DPH3: variants seen among roughly 807,000 people sequenced by gnomAD.
DPH3 encodes diphthamide biosynthesis 3, also known as diphthamide biosynthesis protein 3.
DPH3 carries 8 observed loss-of-function variants against 10.2 expected under a neutral mutation model. The ratio of observed to expected loss-of-function variants is 0.79; its 90% CI spans 0.46 to 1.42. The LOEUF is 1.42. Among genes scored for constraint, DPH3 ranks in the 40% most tolerant of loss-of-function variants. The pLI is 0.00. For missense variants in DPH3, 96 were observed against 98.9 expected (o/e 0.97, Z 0.12); for synonymous variants, 35 against 35.6 (o/e 0.98, Z 0.06).
rs964310323 is a variant in DPH3, at chr3:16,260,708, A to G, written c.*56T>C. ...TGTGAAGCCAGTAGCTTTGCATTCG[A>G]TATTTCTATCTGGGCTCATTCCAAA... On this transcript the variant is annotated 3_prime_UTR_variant, in exon 3 of 3. Coordinates refer to ENST00000488423, the MANE Select transcript of DPH3 (RefSeq NM_206831.3). 1 of 1,501,458 alleles carries G rather than the reference A, an allele frequency of 6.7e-7. No individual in the cohort carries two copies. The highest frequency in any genetic ancestry group is 9.2e-7 in the Non-Finnish European group (1 of 1,083,090). 93.0% of individuals were successfully genotyped at this position (1,501,458 alleles called of 1,614,324 possible). A position where few individuals can be genotyped will look rare whatever the true frequency, so the allele number is the denominator to read the frequency against.
In DPH3 at chr3:16,260,014, T is replaced by C. The variant is rs1353183599; in HGVS notation, c.*750A>G. 6.6e-6 allele frequency: 1 copy of C among 152,238 alleles called. No homozygotes were observed. Among genetic ancestry groups the C allele is most frequent in the Non-Finnish European group, 1.5e-5 (1 of 68,036 alleles). The allele number at this position is 152,238 out of a possible 1,614,324, so 9.4% of individuals were successfully genotyped here. A position where few individuals can be genotyped will look rare whatever the true frequency, so the allele number is the denominator to read the frequency against. ...CCTCTCATTCTGTCACCAATTTCAC[T>C]TCTTTTGGATGTTTTTCTTTTCATC... On this transcript the variant is annotated 3_prime_UTR_variant, in exon 3 of 3. Coordinates refer to ENST00000488423, the MANE Select transcript of DPH3 (RefSeq NM_206831.3).
Position 16,261,160 on chromosome 3 carries a change from A to C in DPH3, c.184-331T>G, listed in dbSNP as rs1445717207. 6.6e-6 allele frequency among the ~76,000 whole-genome samples: 1 copy of C among 152,164 alleles called. No individual in the cohort carries two copies. The highest frequency in any genetic ancestry group is 1.9e-4 in the East Asian group (1 of 5,200). ...TGTATTAATTACTACTTACACTAAAACTTCTCCACTTTAATATTTGGTCAT... is the reference window on the plus strand; with the variant it reads ...TGTATTAATTACTACTTACACTAAACCTTCTCCACTTTAATATTTGGTCAT... On this transcript the variant is annotated intron_variant, in intron 2 of 2. Transcript: ENST00000488423. This position sits in a 1 kb window ranked among gnomAD's most constrained non-coding sequence, Gnocchi z 7.1.
intron 2 of DPH3, 94 bp from the exon 3 acceptor site, chr3:16,260,923 G>A (rs551332819): frequency 2.3e-5 from 25 of 1,095,594 alleles, no homozygotes; most frequent in Admixed American, 2.2e-4. Context: ...TCAATCCAGC[G>A]CTGTTAATTG....
rs1465551898 is a variant in DPH3 at position 16,264,920 on chromosome 3, G to T, written c.-44C>A. The T allele has an allele frequency of 1.2e-6, 2 of 1,606,146 alleles. No individual in the cohort carries two copies. The highest frequency in any genetic ancestry group is 1.1e-5 in the South Asian group (1 of 90,562). On this transcript the variant is annotated 5_prime_UTR_variant, in exon 1 of 3. Transcript: ENST00000488423. ...AAGGGGTAACGCCCCAGCAGTCCGAGGCCAGCTCCGAGGGTTTAACTTCGC... is the reference window on the plus strand; with the variant it reads ...AAGGGGTAACGCCCCAGCAGTCCGATGCCAGCTCCGAGGGTTTAACTTCGC...
rs1320902265 is a variant in DPH3 at position 16,260,280 on chromosome 3, G to GGAA, written c.*481_*483dup. 4 of 156,002 alleles carry GGAA rather than the reference G, an allele frequency of 2.6e-5. No individual in the cohort carries two copies. The highest frequency in any genetic ancestry group is 9.6e-5 in the African/African-American group (4 of 41,462). 9.7% of individuals were successfully genotyped at this position (156,002 alleles called of 1,614,324 possible). Reference sequence around the variant, plus strand: ...AGGAGACTGGCTTGGTATAGAAACTGGAAGTGTGGTACTGATGAAGCAACT... The same window carrying GGAA: ...AGGAGACTGGCTTGGTATAGAAACTGGAAGAAGTGTGGTACTGATGAAGCAACT... On this transcript the variant is annotated 3_prime_UTR_variant, in exon 3 of 3. Coordinates refer to ENST00000488423, the MANE Select transcript of DPH3 (RefSeq NM_206831.3).
intron 1 of DPH3, 61 bp downstream of exon 1, chr3:16,264,708 G>T: frequency 1.3e-6 from 2 of 1,514,992 alleles, no homozygotes; most frequent in Non-Finnish European, 1.8e-6. Context: ...ATGATGGAAG[G>T]AACGGGCGGA....
At chr3:16,264,717 G>A in intron 1 of DPH3, 52 bp downstream of exon 1, 2 of 1,569,314 alleles carry the variant, frequency 1.3e-6, no homozygotes, top group Non-Finnish European at 8.7e-7. Flanking sequence ...GGAACGGGCG[G>A]AACCAAACTG....
In DPH3 at chr3:16,258,806, G is replaced by C. The variant is rs1673726225; in HGVS notation, c.*1958C>G. On this transcript the variant is annotated 3_prime_UTR_variant, in exon 3 of 3. Transcript: ENST00000488423. ...TTCAATCTTGATGTGTTCTCCTACA[G>C]TTCACAAACTTAGTGACTCAATTGC... is the stretch of plus-strand genomic sequence containing the variant. 2.0e-5 allele frequency: 3 copies of C among 152,118 alleles called. No homozygotes were observed. Among genetic ancestry groups the C allele is most frequent in the Admixed American group, 6.5e-5 (1 of 15,270 alleles). 9.4% of individuals were successfully genotyped at this position (152,118 alleles called of 1,614,324 possible). A position where few individuals can be genotyped will look rare whatever the true frequency, so the allele number is the denominator to read the frequency against.
chr3:16,264,725 C>T (rs1183412180), intron 1 of DPH3, 44 bp downstream of exon 1: 1 of 1,593,368 alleles, frequency 6.3e-7, no homozygotes, highest in Non-Finnish European at 8.6e-7. Context: ...CGGAACCAAA[C>T]TGCGCTTGCT....
Position 16,260,568 on chromosome 3 carries a change from C to T in DPH3, c.*196G>A. 1 of 492,688 alleles carries T rather than the reference C, an allele frequency of 2.0e-6. No individual in the cohort carries two copies. The highest frequency in any genetic ancestry group is 3.7e-6 in the Non-Finnish European group (1 of 268,816). The allele number at this position is 492,688 out of a possible 1,614,324, so 30.5% of individuals were successfully genotyped here. On this transcript the variant is annotated 3_prime_UTR_variant, in exon 3 of 3. Transcript: ENST00000488423. The stretch of plus-strand genomic sequence containing the variant: ...TTAAGAATGCTTCCAATTTAAGGTT[C>T]TAAGCACAAAATCCAGATATGTCAT...
rs1198694448 is a variant in DPH3, at chr3:16,264,932, G to C, written c.-56C>G. On this transcript the variant is annotated 5_prime_UTR_variant, in exon 1 of 3. Transcript: ENST00000488423. ...CCCAGCAGTCCGAGGCCAGCTCCGA[G>C]GGTTTAACTTCGCCGGAACCGGCCT... 63 of 1,593,122 alleles carry C rather than the reference G, an allele frequency of 4.0e-5. No individual in the cohort carries two copies. Among genetic ancestry groups the C allele is most frequent in the Non-Finnish European group, 5.4e-5 (63 of 1,164,308 alleles).
rs908122539 is a variant in DPH3, at chr3:16,261,644, T to C, written c.184-815A>G. Among the ~76,000 whole-genome samples, 1 of 152,166 alleles carries C rather than the reference T, an allele frequency of 6.6e-6. No individual in the cohort carries two copies. The highest frequency in any genetic ancestry group is 1.5e-5 in the Non-Finnish European group (1 of 68,024). On this transcript the variant is annotated intron_variant, in intron 2 of 2. Coordinates refer to ENST00000488423, the MANE Select transcript of DPH3 (RefSeq NM_206831.3). This position sits in a 1 kb window ranked among gnomAD's most constrained non-coding sequence, Gnocchi z 7.1. The stretch of plus-strand genomic sequence containing the variant: ...GCTAGACATCCTATAATGCACGGGG[T>C]ATCTCTGAACAACAAAGAATTATCA...
chr3:16,264,326 C>T, intron 1 of DPH3, 97 bp from the exon 2 acceptor site: 1 of 945,186 alleles, frequency 1.1e-6, no homozygotes, highest in African/African-American at 1.7e-5. Flanking sequence ...CTCTTGGTGG[C>T]TTGCCTTCCC....
rs575702022 is a variant in DPH3 at position 16,263,063 on chromosome 3, T to G, written c.183+1092A>C. 6.6e-6 allele frequency among the ~76,000 whole-genome samples: 1 copy of G among 152,238 alleles called. No individual in the cohort carries two copies. Among genetic ancestry groups the G allele is most frequent in the East Asian group, 1.9e-4 (1 of 5,184 alleles). On this transcript the variant is annotated intron_variant, in intron 2 of 2. Transcript: ENST00000488423. The surrounding 1 kb of genome is among the most constrained non-coding windows in gnomAD (Gnocchi z 4.0). ...AGCCAGAATCATTTTTTAAAAAACT[T>G]AAGTTGGATCATAGCACTCCTATGT...
rs1386166162 is a variant in DPH3 at position 16,258,540 on chromosome 3, GCAGTGGTGTGATCA to G, written c.*2210_*2223del. On this transcript the variant is annotated 3_prime_UTR_variant, in exon 3 of 3. Transcript: ENST00000488423. ...CTTGCCCTGTCACACAGGCTGGAAC[GCAGTGGTGTGATCA>G]CAGCTCACCACAGCCTCAAACTCCT... The G allele has an allele frequency of 6.6e-6, 1 of 152,232 alleles. No homozygotes were observed. 9.4% of individuals were successfully genotyped at this position (152,232 alleles called of 1,614,324 possible). A position where few individuals can be genotyped will look rare whatever the true frequency, so the allele number is the denominator to read the frequency against.
Position 16,264,793 on chromosome 3 carries a change from A to C in DPH3, c.84T>G (p.Cys28Trp). ...CCTTGGTGATGGAGAAGTTATCTCCACATGGGCAGGGATAGAAATACGTCT... is the reference window on the plus strand; with the variant it reads ...CCTTGGTGATGGAGAAGTTATCTCCCCATGGGCAGGGATAGAAATACGTCT... The part of the protein sequence containing the change: ...DSETYFYPCP[C>W]GDNFSITKED... Residue 28 changes from cysteine (C) to tryptophan (W), a missense_variant, in exon 1 of 3, where the codon TGT (cysteine) becomes TGG (tryptophan). Transcript: ENST00000488423. The C allele has an allele frequency of 6.2e-7, 1 of 1,614,234 alleles. No homozygotes were observed. The highest frequency in any genetic ancestry group is 8.5e-7 in the Non-Finnish European group (1 of 1,180,028).
rs760746118 is a variant in DPH3, at chr3:16,259,904, C to G, written c.*860G>C. 1 of 152,194 alleles carries G rather than the reference C, an allele frequency of 6.6e-6. No individual in the cohort carries two copies. The highest frequency in any genetic ancestry group is 1.5e-5 in the Non-Finnish European group (1 of 68,036). The allele number at this position is 152,194 out of a possible 1,614,324, so 9.4% of individuals were successfully genotyped here. On this transcript the variant is annotated 3_prime_UTR_variant, in exon 3 of 3. Coordinates refer to ENST00000488423, the MANE Select transcript of DPH3 (RefSeq NM_206831.3). ...TTCATTAGCCTTATCAAAACACAAACAAAAACTCAGATACAGAAATATTAC... is the reference window on the plus strand; with the variant it reads ...TTCATTAGCCTTATCAAAACACAAAGAAAAACTCAGATACAGAAATATTAC...
Position 16,263,197 on chromosome 3 carries a change from T to C in DPH3, c.183+958A>G, listed in dbSNP as rs898368421. ...TCATCCTGCTCTGCTCTGGTCACAC[T>C]GGCCTCCTTTTTGTTCCTTGATAAA... On this transcript the variant is annotated intron_variant, in intron 2 of 2. Transcript: ENST00000488423. This position sits in a 1 kb window ranked among gnomAD's most constrained non-coding sequence, Gnocchi z 4.0. 2.5e-4 allele frequency among the ~76,000 whole-genome samples: 38 copies of C among 152,202 alleles called. No individual in the cohort carries two copies. Among genetic ancestry groups the C allele is most frequent in the African/African-American group, 9.2e-4 (38 of 41,446 alleles).
rs1336988043 is a variant in DPH3, at chr3:16,257,623, T to C, written c.*3141A>G. Among the ~76,000 whole-genome samples the C allele has an allele frequency of 1.3e-5, 2 of 152,222 alleles. No homozygotes were observed. The highest frequency in any genetic ancestry group is 6.5e-5 in the Admixed American group (1 of 15,278). On this transcript the variant is annotated 3_prime_UTR_variant, in exon 3 of 3. Transcript: ENST00000488423. ...TTAAGTAACTTCTCGGAGATCACAG[T>C]GGAGGAACTAAGATTCAAATTGTCT...
Sources: allele counts gnomAD v4.1 joint callset (sites outside exome capture counted in the v4.1 genomes callset), GRCh38; gene constraint gnomAD v4.1.1; non-coding constraint Gnocchi (gnomAD v3.1); transcripts MANE v1.5; gene names NCBI Gene and HGNC (gene_info 2026-07-23, HGNC 2026-07-21).